The following WDFY3 variants were observed in gnomAD, a reference collection of about 807,000 sequenced individuals.
The protein encoded by WDFY3 is WD repeat and FYVE domain-containing protein 3.
In WDFY3, 66 loss-of-function variants were observed where a neutral mutation model predicts 409.6. The ratio of observed to expected loss-of-function variants is 0.16; its 90% confidence interval spans 0.13 to 0.20. The LOEUF (loss-of-function observed/expected upper bound fraction) is 0.20, where lower values mean the gene tolerates loss of function less well. Among genes scored for constraint, WDFY3 ranks in the 10% least tolerant of loss-of-function variants. The pLI is 1.00. For missense variants in WDFY3, 3,031 were observed against 4,298.1 expected (o/e 0.71, Z 8.24); for synonymous variants, 1,521 against 1,537.1 (o/e 0.99, Z 0.25).
In WDFY3 at chr4:84,822,019, A is replaced by G. The variant is rs139573414; in HGVS notation, c.1124-468T>C. On this transcript the variant is annotated intron_variant, in intron 10 of 67. Transcript: ENST00000295888. ...TTTTTCTAAATTCCAGTTTTCCTTT[A>G]TAATTAGAACACTGTGATTTTTATA... Among the ~76,000 whole-genome samples, 103 of 152,300 alleles carry G rather than the reference A, an allele frequency of 6.8e-4. 1 individual carries two copies. In the East Asian group the frequency reaches 0.012, roughly 17 times the overall value.
intron 2 of WDFY3, among the ~76,000 whole-genome samples, chr4:84,907,381 T>G (rs1767182860): frequency 6.6e-6 from 1 of 152,166 alleles, no homozygotes; most frequent in Non-Finnish European, 1.5e-5. Flanking sequence ...GGAAGCCAAC[T>G]TCCACATTGT....
chr4:84,932,067 G>A (rs1770832900), intron 2 of WDFY3, among the ~76,000 whole-genome samples: 1 of 152,096 alleles, frequency 6.6e-6, no homozygotes, highest in South Asian at 2.1e-4. Context: ...TTCTAATGTA[G>A]CCCTGTTTTG....
chr4:84,748,886 CTTT>C (rs767776382), intron 36 of WDFY3, among the ~76,000 whole-genome samples: 1 of 145,216 alleles, frequency 6.9e-6, no homozygotes. Context: ...TTCTCTCTCT[CTTT>C]TTTTTTTTTT....
chr4:84,729,450 A>G (rs1306921376), intron 44 of WDFY3, among the ~76,000 whole-genome samples: 1 of 151,966 alleles, frequency 6.6e-6, no homozygotes, highest in Admixed American at 6.6e-5. Flanking sequence ...TTATATGAGA[A>G]TACAGAATTT....
intron 27 of WDFY3, among the ~76,000 whole-genome samples, chr4:84,776,716 T>C (rs964549438): frequency 1.3e-5 from 2 of 152,128 alleles, no homozygotes; most frequent in Non-Finnish European, 2.9e-5. Context: ...GTAACTAATA[T>C]AGTGTTTGCC....
Position 84,751,595 on chromosome 4 carries a change from G to T in WDFY3, c.5861C>A (p.Thr1954Asn). 1.2e-6 allele frequency: 2 copies of T among 1,614,110 alleles called. No individual in the cohort carries two copies. Among genetic ancestry groups the T allele is most frequent in the Non-Finnish European group, 1.7e-6 (2 of 1,180,010 alleles). Reference protein sequence around the residue: ...YCNVGTKTYLTNHPAKKFVFD... With the variant: ...YCNVGTKTYLNNHPAKKFVFD... ...AACGAACTTTTTAGCCGGGTGATTG[G>T]TCAGATATGTCTTGGTGCCCACATT... The change falls in exon 36 of 68, where the codon ACC (threonine) becomes AAC (asparagine). Residue 1954 changes from threonine (T) to asparagine (N), a missense_variant. Around this residue, in one of 16 missense-constraint regions of WDFY3, gnomAD observed 314 missense variants for 397.4 expected, o/e 0.79. Coordinates refer to ENST00000295888, the MANE Select transcript of WDFY3 (RefSeq NM_014991.6).
At chr4:84,890,402 G>A (rs1423785666) in intron 3 of WDFY3, among the ~76,000 whole-genome samples, 4 of 152,128 alleles carry the variant, frequency 2.6e-5, no homozygotes, top group African/African-American at 9.7e-5. Context: ...ACGTGGCCTT[G>A]CCCAAGCTTT....
intron 5 of WDFY3, among the ~76,000 whole-genome samples, chr4:84,847,773 C>CAA (rs1202619194): frequency 7.9e-4 from 25 of 31,558 alleles, no homozygotes; most frequent in East Asian, 2.2e-3. Flanking sequence ...GACTCCGTCC[C>CAA]AAAAAAAAAA....
Position 84,832,783 on chromosome 4 carries a change from C to T in WDFY3, c.577-1178G>A, listed in dbSNP as rs185506669. On this transcript the variant is annotated intron_variant, in intron 7 of 67. Transcript: ENST00000295888. ...TCTTCACCCTAATATTTTTGCATAC[C>T]GTGGCTTGAAACAAGATAAAATAGC... is the stretch of plus-strand genomic sequence containing the variant. Among the ~76,000 whole-genome samples the T allele has an allele frequency of 2.2e-3, 340 of 151,918 alleles. 2 individuals are homozygous for T. Among genetic ancestry groups the T allele is most frequent in the African/African-American group, 7.8e-3 (324 of 41,424 alleles).
At chr4:84,780,354 TG>T in intron 25 of WDFY3, 56 bp from the exon 26 acceptor site, 2 of 1,463,708 alleles carry the variant, frequency 1.4e-6, no homozygotes, top group Non-Finnish European at 1.8e-6. Flanking sequence ...GAACAAGAAC[TG>T]TATACATCAT....
At chr4:84,822,985 T>C (rs996530199) in intron 10 of WDFY3, among the ~76,000 whole-genome samples, 12 of 152,110 alleles carry the variant, frequency 7.9e-5, no homozygotes, top group African/African-American at 2.9e-4. Flanking sequence ...TTCAAAAAAA[T>C]AGTTCATGTG....
chr4:84,709,750 G>A (rs536204165), intron 51 of WDFY3, among the ~76,000 whole-genome samples: 6 of 152,252 alleles, frequency 3.9e-5, no homozygotes, highest in East Asian at 1.9e-4. Context: ...GTTTTGAGAC[G>A]GAGTCTCGAT....
intron 3 of WDFY3, among the ~76,000 whole-genome samples, chr4:84,878,024 T>A (rs1763012816): frequency 6.6e-6 from 1 of 152,214 alleles, no homozygotes; most frequent in Admixed American, 6.5e-5. Flanking sequence ...TTAAAATCAA[T>A]TACATAACTA....
At chr4:84,711,782 C>T (rs897148980) in intron 51 of WDFY3, among the ~76,000 whole-genome samples, 1 of 151,244 alleles carries the variant, frequency 6.6e-6, no homozygotes, top group African/African-American at 2.4e-5. Context: ...ACCTGGGACG[C>T]GGAGGCTGCA....
At chr4:84,823,200 T>C (rs1018642457) in intron 10 of WDFY3, among the ~76,000 whole-genome samples, 3 of 152,160 alleles carry the variant, frequency 2.0e-5, no homozygotes, top group Admixed American at 6.6e-5. Flanking sequence ...TATGTAGTCA[T>C]ATATGATATT....
intron 53 of WDFY3, among the ~76,000 whole-genome samples, 172 bp from the exon 54 acceptor site, chr4:84,705,683 C>T (rs1269967790): frequency 6.6e-6 from 1 of 152,180 alleles, no homozygotes; most frequent in Admixed American, 6.5e-5. Context: ...TGTTTATACA[C>T]ACTTTACAGA....
intron 6 of WDFY3, 145 bp from the exon 7 acceptor site, chr4:84,837,235 A>G: frequency 1.4e-5 from 9 of 650,068 alleles, no homozygotes; most frequent in Non-Finnish European, 2.0e-5. Context: ...ACTCCAAGTG[A>G]AGAAATATAC....
Position 84,767,724 on chromosome 4 carries a change from A to G in WDFY3, c.4850-1352T>C, listed in dbSNP as rs77695297. Among the ~76,000 whole-genome samples, 424 of 152,312 alleles carry G rather than the reference A, an allele frequency of 2.8e-3. 3 individuals are homozygous for G. Among genetic ancestry groups the G allele is most frequent in the African/African-American group, 9.5e-3 (395 of 41,574 alleles). On this transcript the variant is annotated intron_variant, in intron 30 of 67. Transcript: ENST00000295888. Reference sequence around the variant, plus strand: ...CTACAACATTCCCTTAAGCTAAAACATAATCCTGAGCAAAGCCTGAACTCT... The same window carrying G: ...CTACAACATTCCCTTAAGCTAAAACGTAATCCTGAGCAAAGCCTGAACTCT...
chr4:84,834,442 T>C (rs1426786627), intron 7 of WDFY3, among the ~76,000 whole-genome samples: 8 of 150,694 alleles, frequency 5.3e-5, no homozygotes, highest in African/African-American at 1.7e-4. Flanking sequence ...AGCCCAGGAG[T>C]TCGAGACCAA....
Sources: gnomAD v4.1 joint callset for allele counts (sites outside exome capture counted in the v4.1 genomes callset) on GRCh38, gnomAD v4.1.1 for gene constraint, gnomAD v4.1.1 regional missense constraint, MANE v1.5 for transcripts, NCBI Gene and HGNC (gene_info 2026-07-23, HGNC 2026-07-21) for gene names.